NOS3: variants seen among roughly 807,000 people sequenced by gnomAD.
NOS3 encodes nitric oxide synthase 3, also known as NOS type III.
In NOS3, 98 loss-of-function variants were observed where a neutral mutation model predicts 144.9. The observed-to-expected ratio is 0.68, with a 90% CI of 0.57 to 0.80. NOS3 has a LOEUF of 0.80. Ranked by LOEUF, NOS3 falls within the 30% of genes least tolerant of loss-of-function variation. The pLI, the probability that NOS3 is intolerant of heterozygous loss-of-function variation, is 0.00. For synonymous variants in NOS3, 714 were observed against 702.4 expected, an observed-to-expected ratio of 1.02 and a Z score of -0.26; for missense variants, 1,465 against 1,656.4, an observed-to-expected ratio of 0.88 and a Z score of 2.01.
chr7:151,013,434 C>A, intron 25 of NOS3, 55 bp downstream of exon 25: 1 of 1,560,072 alleles, frequency 6.4e-7, no homozygotes, highest in Admixed American at 1.8e-5. Flanking sequence ...GAGGGGAGGA[C>A]TCGCGCTCTC....
intron 17 of NOS3, among the ~76,000 whole-genome samples, chr7:151,007,998 G>T (rs1456402678): frequency 6.6e-6 from 1 of 152,230 alleles, no homozygotes; most frequent in Non-Finnish European, 1.5e-5. Context: ...CTACCTCAGG[G>T]ACGGGGAGGT....
chr7:150,997,061 G>A lies in NOS3; in HGVS notation c.582+136G>A, dbSNP rs1296254106. The A allele has an allele frequency of 4.4e-6, 5 of 1,124,104 alleles. No homozygotes were observed. The East Asian group carries it at 1.0e-4, about 23-fold the overall frequency. 69.6% of individuals were successfully genotyped at this position (1,124,104 alleles called of 1,614,324 possible). A position where few individuals can be genotyped will look rare whatever the true frequency, so the allele number is the denominator to read the frequency against. Reference sequence around the variant, plus strand: ...ATCCTTGCCTTTTCCCTTAGAGACTGGAAAGGTAGGGGGACTGCCCCACCC... The same window carrying A: ...ATCCTTGCCTTTTCCCTTAGAGACTAGAAAGGTAGGGGGACTGCCCCACCC... On this transcript the variant is annotated intron_variant, in intron 5 of 26. Transcript: ENST00000297494.
At chr7:151,011,887 G>C (rs1490671125) in intron 23 of NOS3, 1 of 407,058 alleles carries the variant, frequency 2.5e-6, no homozygotes, top group Non-Finnish European at 4.9e-6. Context: ...GCCCGCTCTC[G>C]CAGCCAGGAA....
intron 13 of NOS3, 32 bp downstream of exon 13, chr7:151,001,997 G>A (rs747288324): frequency 2.0e-5 from 33 of 1,610,910 alleles, no homozygotes; most frequent in Non-Finnish European, 2.8e-5. Context: ...CAGGGAGCTA[G>A]AAAGAGGGGG....
chr7:150,991,624 G>A (rs1563204300), intron 1 of NOS3, among the ~76,000 whole-genome samples: 1 of 152,216 alleles, frequency 6.6e-6, no homozygotes, highest in African/African-American at 2.4e-5. Flanking sequence ...ATCTAGCAGA[G>A]TGTGGAGCCC....
In NOS3 at chr7:150,995,972, C is replaced by A. The variant is rs183390210; in HGVS notation, c.271-432C>A. 7.5e-3 allele frequency among the ~76,000 whole-genome samples: 32 copies of A among 4,270 alleles called. 4 individuals are homozygous for A. Among genetic ancestry groups the A allele is most frequent in the Middle Eastern group, 0.062 (1 of 16 alleles). 2.8% of individuals were successfully genotyped at this position (4,270 alleles called of 152,430 possible). On this transcript the variant is annotated intron_variant, in intron 3 of 26. Transcript: ENST00000297494. ...CCCGTCCCATCCCTGCACCCTTCCT[C>A]CCTCTCCCCGTCCCATCCCTGCACC...
intron 21 of NOS3, 37 bp from the exon 22 acceptor site, chr7:151,010,560 T>C: frequency 6.6e-7 from 1 of 1,513,966 alleles, no homozygotes. Context: ...TAGGAAGGGC[T>C]ATGGGGCCTC....
In NOS3 at chr7:151,010,210, A is replaced by C. The variant is rs1390347668; in HGVS notation, c.2608A>C (p.Ser870Arg). 1 of 1,612,596 alleles carries C rather than the reference A, an allele frequency of 6.2e-7. No homozygotes were observed. Among genetic ancestry groups the C allele is most frequent in the Non-Finnish European group, 8.5e-7 (1 of 1,179,932 alleles). ...CTTCCTGGACATCACCTCCCCACCC[A>C]GCCCTCAGCTCTTGCGGCTGCTCAG... ...TFFLDITSPP[S>R]PQLLRLLSTL... The change falls in exon 21 of 27, where the codon AGC becomes CGC. Residue 870 changes from serine (S) to arginine (R), a missense_variant. Ser to Arg is a moderately radical substitution (Grantham distance 110). Around this residue, in one of 5 missense-constraint regions of NOS3, gnomAD observed 745 missense variants for 853.9 expected, o/e 0.87. Coordinates refer to ENST00000297494, the MANE Select transcript of NOS3 (RefSeq NM_000603.5).
At chr7:150,992,970 G>A (rs1360821004) in intron 1 of NOS3, among the ~76,000 whole-genome samples, 4 of 152,132 alleles carry the variant, frequency 2.6e-5, no homozygotes, top group African/African-American at 9.6e-5. Flanking sequence ...CTCCCACCAG[G>A]GCATCAAGCT....
intron 3 of NOS3, among the ~76,000 whole-genome samples, chr7:150,995,749 C>T (rs1356614565): frequency 1.8e-3 from 4 of 2,242 alleles, no homozygotes; most frequent in African/African-American, 0.01. Context: ...CTCCCTCTGC[C>T]CCATTCCACC....
chr7:150,997,483 C>T (rs1802458082), intron 5 of NOS3, among the ~76,000 whole-genome samples: 1 of 152,194 alleles, frequency 6.6e-6, no homozygotes, highest in South Asian at 2.1e-4. Context: ...CGCACCCTCC[C>T]TCACACCCCA....
chr7:151,001,671 C>T (rs1795101801), intron 12 of NOS3, 54 bp downstream of exon 12: 2 of 1,581,754 alleles, frequency 1.3e-6, no homozygotes, highest in Admixed American at 1.7e-5. Context: ...GCCCCACTCT[C>T]CCCCACACAC....
Position 151,001,904 on chromosome 7 carries a change from G to T in NOS3, c.1586G>T (p.Gly529Val). 6.2e-7 allele frequency: 1 copy of T among 1,613,660 alleles called. No individual in the cohort carries two copies. Among genetic ancestry groups the T allele is most frequent in the Non-Finnish European group, 8.5e-7 (1 of 1,180,030 alleles). ...ACAATCCTGTATGGCTCCGAGACCGGCCGGGCCCAGAGCTACGCACAGCAG... is the reference window on the plus strand; with the variant it reads ...ACAATCCTGTATGGCTCCGAGACCGTCCGGGCCCAGAGCTACGCACAGCAG... ...KATILYGSET[G>V]RAQSYAQQLG... Residue 529 changes from glycine to valine, a missense_variant, in exon 13 of 27, where the codon GGC becomes GTC. Around this residue, in one of 5 missense-constraint regions of NOS3, gnomAD observed 745 missense variants for 853.9 expected, o/e 0.87. Coordinates refer to ENST00000297494, the MANE Select transcript of NOS3 (RefSeq NM_000603.5).
chr7:150,995,442 G>C (rs998980696), intron 3 of NOS3, 128 bp downstream of exon 3: 2 of 629,356 alleles, frequency 3.2e-6, no homozygotes, highest in African/African-American at 3.7e-5. Flanking sequence ...AAAGAGGAGA[G>C]GACTGGGAAG....
chr7:150,996,827 A>G lies in NOS3; in HGVS notation c.484A>G (p.Thr162Ala), dbSNP rs1802437909. ...EVEAEVAATG[T>A]YQLRESELVF... ...GGAAGCCGAGGTGGCAGCCACAGGC[A>G]CCTACCAGCTTAGGGAGAGCGAGCT... is the stretch of plus-strand genomic sequence containing the variant. The change falls in exon 5 of 27, where the codon ACC (threonine) becomes GCC (alanine). Residue 162 changes from threonine to alanine, a missense_variant. By Grantham distance (58) the Thr-to-Ala change is moderately conservative. Around this residue, in one of 5 missense-constraint regions of NOS3, gnomAD observed 374 missense variants for 377.0 expected, o/e 0.99. Transcript: ENST00000297494. 6.2e-7 allele frequency: 1 copy of G among 1,610,748 alleles called. No homozygotes were observed. The highest frequency in any genetic ancestry group is 1.3e-5 in the African/African-American group (1 of 74,878).
intron 17 of NOS3, among the ~76,000 whole-genome samples, 157 bp downstream of exon 17, chr7:151,007,433 G>C (rs1724518789): frequency 6.6e-6 from 1 of 152,216 alleles, no homozygotes; most frequent in Non-Finnish European, 1.5e-5. Context: ...CTGGGTCAGG[G>C]GCAGAGGATG....
In NOS3 at chr7:151,014,253, C is replaced by A; in HGVS notation, c.*84C>A. On this transcript the variant is annotated 3_prime_UTR_variant, in exon 27 of 27. Transcript: ENST00000297494. ...CGACCAGGATCAGCCCCGCTCCTCCCCTCTTGAGGTGGTGCCTTCTCACAT... is the reference window on the plus strand; with the variant it reads ...CGACCAGGATCAGCCCCGCTCCTCCACTCTTGAGGTGGTGCCTTCTCACAT... 7.4e-7 allele frequency: 1 copy of A among 1,343,072 alleles called. No homozygotes were observed. The highest frequency in any genetic ancestry group is 1.0e-6 in the Non-Finnish European group (1 of 991,406). The allele number at this position is 1,343,072 out of a possible 1,614,324, so 83.2% of individuals were successfully genotyped here. A position where few individuals can be genotyped will look rare whatever the true frequency, so the allele number is the denominator to read the frequency against.
intron 14 of NOS3, among the ~76,000 whole-genome samples, chr7:151,005,482 G>A (rs1321322602): frequency 6.6e-6 from 1 of 152,176 alleles, no homozygotes; most frequent in South Asian, 2.1e-4. Context: ...ACTGCTGAAG[G>A]AACTGAGAGT....
At position 150,998,849 on chromosome 7, in the gene NOS3, G is replaced by A; in HGVS notation, c.817-97G>A. 6.6e-7 allele frequency: 1 copy of A among 1,511,412 alleles called. No homozygotes were observed. The highest frequency in any genetic ancestry group is 8.9e-7 in the Non-Finnish European group (1 of 1,119,828). The allele number at this position is 1,511,412 out of a possible 1,614,324, so 93.6% of individuals were successfully genotyped here. ...TGGTCACGGAGACCCAGCCAATGAG[G>A]GACCCTGGAGATGAAGGCAGGAGAC... On this transcript the variant is annotated intron_variant, in intron 7 of 26. Coordinates refer to ENST00000297494, the MANE Select transcript of NOS3 (RefSeq NM_000603.5). The surrounding 1 kb of genome is among the most constrained non-coding windows in gnomAD (Gnocchi z 5.0).
Sources: allele counts gnomAD v4.1 joint callset (sites outside exome capture counted in the v4.1 genomes callset), GRCh38; gene constraint gnomAD v4.1.1; regional missense constraint gnomAD v4.1.1; non-coding constraint Gnocchi (gnomAD v3.1); transcripts MANE v1.5; gene names NCBI Gene and HGNC (gene_info 2026-07-23, HGNC 2026-07-21).